The following ZNF730 variants were observed in gnomAD, a reference collection of about 807,000 sequenced individuals.
ZNF730 encodes zinc finger protein 730, also known as putative zinc finger protein 730.
In ZNF730, 12 loss-of-function variants were observed where a neutral mutation model predicts 12.6. That is an observed-to-expected ratio of 0.95 (90% confidence interval 0.61 to 1.54). The LOEUF (loss-of-function observed/expected upper bound fraction) is 1.54, where lower values mean the gene tolerates loss of function less well. Ranked by LOEUF, ZNF730 falls within the 40% of genes most tolerant of loss-of-function variation. The pLI is 0.00. For synonymous variants in ZNF730, 194 were observed against 195.8 expected (o/e 0.99, Z 0.08); for missense variants, 643 against 583.5 (o/e 1.10, Z -1.05).
At chr19:23,107,448 C>CAAAAAA (rs1206631075) in intron 1 of ZNF730, among the ~76,000 whole-genome samples, 2 of 4,946 alleles carry the variant, frequency 4.0e-4, no homozygotes, top group African/African-American at 8.1e-4. Flanking sequence ...AAAAAAAATA[C>CAAAAAA]CAAAAAAAAA....
At position 23,145,431 on chromosome 19, in the gene ZNF730, T is replaced by A. The variant is rs762981237; in HGVS notation, c.387T>A (p.Gly129=). 1.3e-6 allele frequency: 2 copies of A among 1,581,504 alleles called. No individual in the cohort carries two copies. Among genetic ancestry groups the A allele is most frequent in the Admixed American group, 3.7e-5 (2 of 54,532 alleles). ...ATGAGTTTAAGATGCACAAAAAAGG[T>A]TATAATAGACATAACCAGTGTTTGA... ...NVDEFKMHKK[G]YNRHNQCLTT... Residue 129 remains glycine, a synonymous_variant, in exon 4 of 4, where the codon GGT becomes GGA. Coordinates refer to ENST00000597761, the MANE Select transcript of ZNF730 (RefSeq NM_001277403.2).
intron 1 of ZNF730, among the ~76,000 whole-genome samples, chr19:23,118,964 TATAAAA>T (rs996076802): frequency 3.3e-5 from 5 of 152,234 alleles, no homozygotes; most frequent in African/African-American, 7.2e-5. Context: ...TGCTAAATTT[TATAAAA>T]AGAAAAAGAA....
chr19:23,093,870 C>T (rs888992040), intron 1 of ZNF730, among the ~76,000 whole-genome samples: 2 of 152,248 alleles, frequency 1.3e-5, no homozygotes, highest in African/African-American at 4.8e-5. Context: ...CGAGCGCCTC[C>T]CTTGGCCTGT....
At chr19:23,085,040 T>A (rs1333619915) in intron 1 of ZNF730, among the ~76,000 whole-genome samples, 1 of 152,192 alleles carries the variant, frequency 6.6e-6, no homozygotes, top group Non-Finnish European at 1.5e-5. Flanking sequence ...ATCACCACAC[T>A]GTCTTCAACC....
intron 1 of ZNF730, among the ~76,000 whole-genome samples, chr19:23,098,854 A>G (rs913886451): frequency 2.0e-5 from 3 of 152,070 alleles, no homozygotes; most frequent in African/African-American, 7.2e-5. Flanking sequence ...TGTGATGATG[A>G]CTCTAATACT....
intron 1 of ZNF730, among the ~76,000 whole-genome samples, chr19:23,122,440 G>A (rs1031487982): frequency 2.6e-4 from 39 of 152,110 alleles, no homozygotes; most frequent in African/African-American, 9.4e-4. Flanking sequence ...ACCACATCGG[G>A]CCGTTTAAAG....
At chr19:23,099,072 G>T (rs571159541) in intron 1 of ZNF730, among the ~76,000 whole-genome samples, 2 of 152,076 alleles carry the variant, frequency 1.3e-5, no homozygotes, top group Non-Finnish European at 2.9e-5. Context: ...TCAATTTTTA[G>T]AATTACCACT....
chr19:23,135,221 T>TAAAA lies in ZNF730; in HGVS notation c.131-692_131-689dup, dbSNP rs57748615. 2.3e-4 allele frequency among the ~76,000 whole-genome samples: 9 copies of TAAAA among 38,820 alleles called. 4 individuals carry two copies. Among genetic ancestry groups the TAAAA allele is most frequent in the African/African-American group, 8.1e-4 (9 of 11,166 alleles). The allele number at this position is 38,820 out of a possible 152,430, so 25.5% of individuals were successfully genotyped here. Reference sequence around the variant, plus strand: ...GCGAGAAACACCCAAGAATGATCAATAAAAAAAAAAAAAAAAAAAAAAAAA... The same window carrying TAAAA: ...GCGAGAAACACCCAAGAATGATCAATAAAAAAAAAAAAAAAAAAAAAAAAAAAAA... On this transcript the variant is annotated intron_variant, in intron 2 of 3. Coordinates refer to ENST00000597761, the MANE Select transcript of ZNF730 (RefSeq NM_001277403.2).
chr19:23,075,554 A>C (rs1041573742), intron 1 of ZNF730, among the ~76,000 whole-genome samples: 2 of 151,630 alleles, frequency 1.3e-5, no homozygotes, highest in Non-Finnish European at 2.9e-5. Context: ...CGCGGCCGGG[A>C]CCCCCAGCGT....
rs930087248 is a variant in ZNF730, at chr19:23,146,730, G to A, written c.*174G>A. The A allele has an allele frequency of 6.8e-6, 9 of 1,320,786 alleles. No individual in the cohort carries two copies. In the Admixed American group the frequency reaches 1.0e-4, roughly 15 times the overall value. The allele number at this position is 1,320,786 out of a possible 1,614,324, so 81.8% of individuals were successfully genotyped here. A position where few individuals can be genotyped will look rare whatever the true frequency, so the allele number is the denominator to read the frequency against. On this transcript the variant is annotated 3_prime_UTR_variant, in exon 4 of 4. Transcript: ENST00000597761. ...ATACTGGAGAAAAACCTACAAATGTGAAGAATGTGGCAAAGTCTTCAACCA... is the reference window on the plus strand; with the variant it reads ...ATACTGGAGAAAAACCTACAAATGTAAAGAATGTGGCAAAGTCTTCAACCA...
chr19:23,136,126 T>C (rs1233155209), intron 3 of ZNF730, 83 bp downstream of exon 3: 2 of 1,027,994 alleles, frequency 1.9e-6, no homozygotes, highest in Non-Finnish European at 2.6e-6. Context: ...TTTAAAATAA[T>C]TTGGGAAGCT....
chr19:23,080,910 A>G (rs902792402), intron 1 of ZNF730, among the ~76,000 whole-genome samples: 3 of 146,514 alleles, frequency 2.0e-5, no homozygotes, highest in Non-Finnish European at 4.5e-5. Flanking sequence ...CAGTGGCACA[A>G]TCTCGGTTTA....
intron 1 of ZNF730, among the ~76,000 whole-genome samples, chr19:23,089,582 G>T (rs896913089): frequency 2.0e-5 from 3 of 152,088 alleles, no homozygotes; most frequent in African/African-American, 7.2e-5. Flanking sequence ...TTTCTGCTTT[G>T]CTTCTTTCTC....
intron 1 of ZNF730, among the ~76,000 whole-genome samples, chr19:23,103,967 C>T (rs1970363331): frequency 6.6e-6 from 1 of 152,006 alleles, no homozygotes. Flanking sequence ...CTTTCAAATA[C>T]AGGTTTCTGA....
intron 1 of ZNF730, among the ~76,000 whole-genome samples, chr19:23,124,513 C>A (rs1970639332): frequency 6.6e-6 from 1 of 152,186 alleles, no homozygotes; most frequent in South Asian, 2.1e-4. Context: ...GTCTCTCCTG[C>A]CTGGCTTATC....
intron 1 of ZNF730, among the ~76,000 whole-genome samples, chr19:23,122,749 A>G (rs1970615421): frequency 6.6e-6 from 1 of 152,254 alleles, no homozygotes; most frequent in South Asian, 2.1e-4. Context: ...AACATTTTGT[A>G]TAATAGTATG....
rs372370920 is a variant in ZNF730 at position 23,091,423 on chromosome 19, G to A, written c.-94+16036G>A. Among the ~76,000 whole-genome samples the A allele has an allele frequency of 3.8e-3, 578 of 152,290 alleles. 2 individuals are homozygous for A. The highest frequency in any genetic ancestry group is 5.5e-3 in the Non-Finnish European group (373 of 68,028). ...AGCTGTGAGAAGAAGGCCACCATCC[G>A]CCAGACCCCAGAATGGTAGATTCAC... On this transcript the variant is annotated intron_variant, in intron 1 of 2. Transcript: ENST00000593635.
intron 1 of ZNF730, among the ~76,000 whole-genome samples, chr19:23,089,029 T>G (rs1202870916): frequency 2.0e-5 from 3 of 151,708 alleles, no homozygotes; most frequent in Admixed American, 2.0e-4. Flanking sequence ...TGTGCCACCT[T>G]GCCTGGCTAA....
intron 1 of ZNF730, among the ~76,000 whole-genome samples, chr19:23,129,283 G>A (rs1048061803): frequency 6.6e-6 from 1 of 152,190 alleles, no homozygotes; most frequent in African/African-American, 2.4e-5. Context: ...TCCACTGACA[G>A]CTTGCACCAT....
Sources: allele counts gnomAD v4.1 joint callset (sites outside exome capture counted in the v4.1 genomes callset), GRCh38; gene constraint gnomAD v4.1.1; transcripts MANE v1.5; gene names NCBI Gene and HGNC (gene_info 2026-07-23, HGNC 2026-07-21).